Variants in AGBL1 observed in about 807,000 individuals in gnomAD.
The protein encoded by AGBL1 is cytosolic carboxypeptidase 4.
A neutral mutation model predicts 118.9 loss-of-function variants in AGBL1; 130 were observed. That is an observed-to-expected ratio of 1.09 (90% CI 0.95 to 1.26). The LOEUF (loss-of-function observed/expected upper bound fraction) is 1.26. Among genes scored for constraint, AGBL1 ranks in the 50% most tolerant of loss-of-function variants. The probability of loss-of-function intolerance (pLI) is 0.00; values close to 1 mark genes in which losing one functional copy is unlikely to be tolerated. For missense variants in AGBL1, 1,584 were observed against 1,298.1 expected (o/e 1.22, Z -3.38); for synonymous variants, 555 against 478.9 (o/e 1.16, Z -2.08).
chr15:86,221,994 A>G (rs1169151645), intron 5 of AGBL1, among the ~76,000 whole-genome samples: 1 of 152,208 alleles, frequency 6.6e-6, no homozygotes, highest in East Asian at 1.9e-4. Context: ...GTGCCTAGAC[A>G]GTCTGGTGAA....
chr15:86,844,215 G>A (rs2079286621), intron 22 of AGBL1, among the ~76,000 whole-genome samples: 1 of 152,116 alleles, frequency 6.6e-6, no homozygotes, highest in African/African-American at 2.4e-5. Context: ...ATCATTGTGT[G>A]GACATGTTTC....
chr15:86,925,697 T>TTTTTTC (rs1312098344), intron 23 of AGBL1, among the ~76,000 whole-genome samples: 2 of 150,130 alleles, frequency 1.3e-5, no homozygotes, highest in Non-Finnish European at 3.0e-5. Flanking sequence ...TCTTTTTTTC[T>TTTTTTC]TTTTTCTTTT....
chr15:86,266,381 A>G lies in AGBL1; in HGVS notation c.1675A>G (p.Ile559Val), dbSNP rs1451061018. The G allele has an allele frequency of 6.3e-7, 1 of 1,575,782 alleles. No homozygotes were observed. Among genetic ancestry groups the G allele is most frequent in the Non-Finnish European group, 8.6e-7 (1 of 1,158,790 alleles). Residue 559 changes from isoleucine (I) to valine (V), a missense_variant, in exon 12 of 23, where the codon ATA (isoleucine) becomes GTA (valine). Physicochemically the swap from Ile to Val is conservative, Grantham distance 29. Coordinates refer to ENST00000614907, the MANE Select transcript of AGBL1 (RefSeq NM_001386094.1). ...ERKCGVQRIR[I>V]FEDIRRLIQP... ...TTCAATTTTCTTTTTCAGGATCAGG[A>G]TATTTGAGGATATTCGGAGGCTCAT...
intron 22 of AGBL1, among the ~76,000 whole-genome samples, chr15:86,800,836 G>C (rs1359467583): frequency 1.1e-4 from 17 of 152,000 alleles, no homozygotes. Context: ...AATGGAGACT[G>C]GCCCAAAAAA....
chr15:86,460,185 A>T (rs1283294151), intron 18 of AGBL1, among the ~76,000 whole-genome samples: 10 of 151,848 alleles, frequency 6.6e-5, no homozygotes, highest in Non-Finnish European at 1.5e-4. Context: ...CCATTAAAAA[A>T]GTAAAAGGAG....
chr15:86,635,388 C>T (rs2085066727), intron 21 of AGBL1, among the ~76,000 whole-genome samples: 1 of 148,868 alleles, frequency 6.7e-6, no homozygotes. Flanking sequence ...TCTTATTCCT[C>T]TTCCTCCTCA....
chr15:86,757,414 C>G lies in AGBL1; in HGVS notation c.3158+82978C>G, dbSNP rs1198292186. Reference sequence around the variant, plus strand: ...ATCAACTTTAATGTCCTCCTGTGAACTAGAGGAGTGACCTAATTTTTACTG... The same window carrying G: ...ATCAACTTTAATGTCCTCCTGTGAAGTAGAGGAGTGACCTAATTTTTACTG... On this transcript the variant is annotated intron_variant, in intron 22 of 22. Coordinates refer to ENST00000614907, the MANE Select transcript of AGBL1 (RefSeq NM_001386094.1). Among the ~76,000 whole-genome samples, 3 of 152,178 alleles carry G rather than the reference C, an allele frequency of 2.0e-5. No homozygotes were observed. In the East Asian group the frequency reaches 5.8e-4, roughly 30 times the overall value.
chr15:86,628,919 T>C (rs1205237594), intron 21 of AGBL1, among the ~76,000 whole-genome samples: 1 of 152,200 alleles, frequency 6.6e-6, no homozygotes, highest in Non-Finnish European at 1.5e-5. Flanking sequence ...TTGATATACA[T>C]TGGGAAAGAG....
chr15:86,812,059 G>T (rs554533771), intron 22 of AGBL1, among the ~76,000 whole-genome samples: 2 of 152,320 alleles, frequency 1.3e-5, no homozygotes, highest in African/African-American at 4.8e-5. Context: ...GGTTTGGGTT[G>T]TAATGTGTAA....
intron 24 of AGBL1, among the ~76,000 whole-genome samples, chr15:86,999,271 G>A: frequency 6.6e-6 from 1 of 151,120 alleles, no homozygotes; most frequent in Non-Finnish European, 1.5e-5. Flanking sequence ...TGCACATTGT[G>A]CAGGTTAGTT....
At chr15:86,688,068 A>T (rs1170165850) in intron 22 of AGBL1, among the ~76,000 whole-genome samples, 1 of 152,176 alleles carries the variant, frequency 6.6e-6, no homozygotes, top group Non-Finnish European at 1.5e-5. Flanking sequence ...AAACTTCCTT[A>T]AAAAGTTGGA....
Position 86,522,903 on chromosome 15 carries a change from C to T in AGBL1, c.2649C>T (p.Leu883=). 1 of 1,613,992 alleles carries T rather than the reference C, an allele frequency of 6.2e-7. No homozygotes were observed. Among genetic ancestry groups the T allele is most frequent in the Non-Finnish European group, 8.5e-7 (1 of 1,179,864 alleles). ...LQPTIYHAKG[L]LYHLSSIGRS... is the part of the protein sequence containing the mutation. ...CAACCATTTACCATGCCAAAGGCCT[C>T]CTCTACCACCTGAGCAGCATTGGCC... The change falls in exon 19 of 23, where the codon CTC becomes CTT. Residue 883 remains leucine (L), a synonymous_variant. Coordinates refer to ENST00000614907, the MANE Select transcript of AGBL1 (RefSeq NM_001386094.1).
chr15:86,801,352 T>TCTAC lies in AGBL1; in HGVS notation c.3159-105732_3159-105731insCCTA, dbSNP rs2078648070. 1.4e-5 allele frequency among the ~76,000 whole-genome samples: 2 copies of TCTAC among 147,180 alleles called. 1 individual carries two copies. Among genetic ancestry groups the TCTAC allele is most frequent in the South Asian group, 4.2e-4 (2 of 4,764 alleles). On this transcript the variant is annotated intron_variant, in intron 22 of 22. Transcript: ENST00000614907. ...ATCTATCTATCTATCTATCTATCTATCTATATTAAAGCCTTCTTAAAAGCC... is the reference window on the plus strand; with the variant it reads ...ATCTATCTATCTATCTATCTATCTATCTACCTATATTAAAGCCTTCTTAAAAGCC...
At chr15:86,448,947 A>G (rs2082160098) in intron 18 of AGBL1, among the ~76,000 whole-genome samples, 2 of 152,294 alleles carry the variant, frequency 1.3e-5, no homozygotes, top group South Asian at 4.1e-4. Flanking sequence ...GTATGGAGAT[A>G]TTTGTGGCGA....
intron 22 of AGBL1, among the ~76,000 whole-genome samples, chr15:86,821,012 A>C (rs951337714): frequency 1.3e-5 from 2 of 152,196 alleles, no homozygotes; most frequent in Non-Finnish European, 2.9e-5. Context: ...AAAAAGAATG[A>C]GTTCATGTCC....
chr15:86,897,173 T>A (rs1322534238), intron 22 of AGBL1, among the ~76,000 whole-genome samples: 2 of 152,224 alleles, frequency 1.3e-5, no homozygotes, highest in African/African-American at 4.8e-5. Flanking sequence ...TCTACTTACA[T>A]GCTTATATAC....
Position 86,316,402 on chromosome 15 carries a change from C to T in AGBL1, c.2374+20994C>T, listed in dbSNP as rs139732085. ...ACTAAAGAACCACACCCACTCATGC[C>T]GTGGGTGGACAGGAACAAGCCATCA... is the stretch of plus-strand genomic sequence containing the variant. On this transcript the variant is annotated intron_variant, in intron 17 of 22. Coordinates refer to ENST00000614907, the MANE Select transcript of AGBL1 (RefSeq NM_001386094.1). 1.1e-3 allele frequency among the ~76,000 whole-genome samples: 169 copies of T among 152,226 alleles called. 3 individuals are homozygous for T. The East Asian group carries it at 0.016, about 15-fold the overall frequency.
intron 5 of AGBL1, among the ~76,000 whole-genome samples, chr15:86,161,575 C>A (rs375951332): frequency 6.6e-6 from 1 of 152,130 alleles, no homozygotes; most frequent in African/African-American, 2.4e-5. Flanking sequence ...ATATGTAAGA[C>A]GATCATATGC....
intron 17 of AGBL1, among the ~76,000 whole-genome samples, chr15:86,348,508 C>T (rs1432313499): frequency 2.6e-5 from 4 of 152,146 alleles, no homozygotes; most frequent in African/African-American, 4.8e-5. Context: ...GGCCAGGCGC[C>T]GTGGCTTACG....
Sources: gnomAD v4.1 joint callset for allele counts (sites outside exome capture counted in the v4.1 genomes callset) on GRCh38, gnomAD v4.1.1 for gene constraint, MANE v1.5 for transcripts, NCBI Gene and HGNC (gene_info 2026-07-23, HGNC 2026-07-21) for gene names.